Variants in HAUS3 observed in about 807,000 individuals in gnomAD.
HAUS3 encodes HAUS augmin like complex subunit 3.
HAUS3 carries 36 observed loss-of-function variants against 55.2 expected under a neutral mutation model. The observed-to-expected ratio is 0.65, with a 90% CI of 0.50 to 0.86. The LOEUF (loss-of-function observed/expected upper bound fraction) is 0.86, where lower values mean the gene tolerates loss of function less well. Ranked by LOEUF, HAUS3 falls within the 40% of genes least tolerant of loss-of-function variation. The pLI is 0.00. For synonymous variants in HAUS3, 234 were observed against 238.6 expected (o/e 0.98, Z 0.18); for missense variants, 752 against 671.5 (o/e 1.12, Z -1.33).
At position 2,242,093 on chromosome 4, in the gene HAUS3, C is replaced by T. The variant is rs1735013666; in HGVS notation, c.-461G>A. On this transcript the variant is annotated 5_prime_UTR_variant, in exon 1 of 6. Coordinates refer to ENST00000443786, the MANE Select transcript of HAUS3 (RefSeq NM_001303143.2). ...GCTTCTCGCAGGAGCCCGCCGCCAC[C>T]GCCCTCCGTGCCCCGCGCGCCTCGC... 6 of 985,912 alleles carry T rather than the reference C, an allele frequency of 6.1e-6. No individual in the cohort carries two copies. Among genetic ancestry groups the T allele is most frequent in the Middle Eastern group, 5.2e-4 (1 of 1,918 alleles). 61.1% of individuals were successfully genotyped at this position (985,912 alleles called of 1,614,324 possible).
At position 2,236,404 on chromosome 4, in the gene HAUS3, G is replaced by C. The variant is rs771522885; in HGVS notation, c.1402C>G (p.His468Asp). The change falls in exon 5 of 6, where the codon CAT becomes GAT. Residue 468 changes from histidine to aspartate, a missense_variant. Transcript: ENST00000443786. ...TCAGCCACTTCCTCAAGGTTTCCATGAGTTAGAAACAATTCTTTTTTCTTA... is the reference window on the plus strand; with the variant it reads ...TCAGCCACTTCCTCAAGGTTTCCATCAGTTAGAAACAATTCTTTTTTCTTA... ...ENKKKELFLT[H>D]GNLEEVAEKL... 1 of 1,613,500 alleles carries C rather than the reference G, an allele frequency of 6.2e-7. No homozygotes were observed. Among genetic ancestry groups the C allele is most frequent in the African/African-American group, 1.3e-5 (1 of 74,896 alleles).
chr4:2,229,189 T>A lies in HAUS3; in HGVS notation c.*2738A>T. 2 of 1,610,564 alleles carry A rather than the reference T, an allele frequency of 1.2e-6. No homozygotes were observed. The highest frequency in any genetic ancestry group is 1.7e-6 in the Non-Finnish European group (2 of 1,177,434). Reference sequence around the variant, plus strand: ...TTCTGAGCAACACTGGAGAGCGGTGTATTACAGAGATCAAAGCCTACCAAT... The same window carrying A: ...TTCTGAGCAACACTGGAGAGCGGTGAATTACAGAGATCAAAGCCTACCAAT... On this transcript the variant is annotated 3_prime_UTR_variant, in exon 6 of 6. Coordinates refer to ENST00000443786, the MANE Select transcript of HAUS3 (RefSeq NM_001303143.2).
In HAUS3 at chr4:2,240,146, G is replaced by C. The variant is rs186447762; in HGVS notation, c.801C>G (p.Leu267=). 1.2e-5 allele frequency: 19 copies of C among 1,613,606 alleles called. No individual in the cohort carries two copies. In the Admixed American group the frequency reaches 3.0e-4, roughly 25 times the overall value. ...ACTGATGTTGAGCACAAATGTATGC[G>C]AGCTGCAGTCTAGCCATCTCTAGTC... ...ERRLEMARLQ[L]AYICAQHQLI... is the part of the protein sequence containing the mutation. The change falls in exon 3 of 6, where the codon CTC becomes CTG. Residue 267 remains leucine (L), a synonymous_variant. Transcript: ENST00000443786.
rs1288381271 is a variant in HAUS3 at position 2,240,726 on chromosome 4, C to A, written c.221G>T (p.Gly74Val). 1.2e-6 allele frequency: 2 copies of A among 1,613,988 alleles called. No homozygotes were observed. Among genetic ancestry groups the A allele is most frequent in the Non-Finnish European group, 1.7e-6 (2 of 1,179,980 alleles). ...LQKSGKPILE[G>V]AALDEALKTC... ...TTTAAGAGCTTCATCCAATGCCGCC[C>A]CTTCTAGAATAGGCTTGCCTGATTT... is the stretch of plus-strand genomic sequence containing the variant. The change falls in exon 3 of 6, where the codon GGG becomes GTG. Residue 74 changes from glycine to valine, a missense_variant. Physicochemically the swap from Gly to Val is moderately radical, Grantham distance 109. Transcript: ENST00000443786.
Position 2,241,008 on chromosome 4 carries a change from A to G in HAUS3, c.-62T>C. 6.2e-6 allele frequency: 8 copies of G among 1,290,662 alleles called. No individual in the cohort carries two copies. Among genetic ancestry groups the G allele is most frequent in the Non-Finnish European group, 8.6e-6 (8 of 931,200 alleles). 80.0% of individuals were successfully genotyped at this position (1,290,662 alleles called of 1,614,324 possible). A position where few individuals can be genotyped will look rare whatever the true frequency, so the allele number is the denominator to read the frequency against. On this transcript the variant is annotated 5_prime_UTR_variant, in exon 3 of 6. Coordinates refer to ENST00000443786, the MANE Select transcript of HAUS3 (RefSeq NM_001303143.2). ...GGTTTACGGTGTTGATTTTTAGAAAATAAATCCAAGCAGAAAAAAAGCTAC... is the reference window on the plus strand; with the variant it reads ...GGTTTACGGTGTTGATTTTTAGAAAGTAAATCCAAGCAGAAAAAAAGCTAC...
chr4:2,240,739 G>A lies in HAUS3; in HGVS notation c.208C>T (p.Pro70Ser). 1 of 1,613,846 alleles carries A rather than the reference G, an allele frequency of 6.2e-7. No individual in the cohort carries two copies. Among genetic ancestry groups the A allele is most frequent in the East Asian group, 2.2e-5 (1 of 44,866 alleles). ...TCCAATGCCGCCCCTTCTAGAATAG[G>A]CTTGCCTGATTTCTGAAGAATGCTA... is the stretch of plus-strand genomic sequence containing the variant. ...AFSILQKSGK[P>S]ILEGAALDEA... Residue 70 changes from proline (P) to serine (S), a missense_variant, in exon 3 of 6, where the codon CCT becomes TCT. By Grantham distance (74) the Pro-to-Ser change is moderately conservative (BLOSUM62 -1). Transcript: ENST00000443786.
At chr4:2,238,064 G>A (rs564301597) in intron 4 of HAUS3, among the ~76,000 whole-genome samples, 56 of 152,272 alleles carry the variant, frequency 3.7e-4, no homozygotes, top group African/African-American at 1.3e-3. Context: ...AAAATGAGGA[G>A]TAGGAGACAG....
rs977721327 is a variant in HAUS3, at chr4:2,240,999, T to C, written c.-53A>G. The C allele has an allele frequency of 7.5e-7, 1 of 1,336,644 alleles. No homozygotes were observed. The highest frequency in any genetic ancestry group is 2.3e-5 in the Admixed American group (1 of 43,630). 82.8% of individuals were successfully genotyped at this position (1,336,644 alleles called of 1,614,324 possible). A position where few individuals can be genotyped will look rare whatever the true frequency, so the allele number is the denominator to read the frequency against. ...TCTGATATGGGTTTACGGTGTTGAT[T>C]TTTAGAAAATAAATCCAAGCAGAAA... On this transcript the variant is annotated 5_prime_UTR_variant, in exon 3 of 6. Transcript: ENST00000443786.
At chr4:2,232,650 ATT>A (rs761675687) in intron 5 of HAUS3, among the ~76,000 whole-genome samples, 5 of 151,934 alleles carry the variant, frequency 3.3e-5, no homozygotes, top group Admixed American at 6.5e-5. Context: ...ATTTTTTCAT[ATT>A]GTCTTACCAA....
intron 4 of HAUS3, 111 bp from the exon 5 acceptor site, chr4:2,236,567 TA>T: frequency 1.4e-6 from 1 of 737,806 alleles, no homozygotes. Context: ...TAACAACTTA[TA>T]AAAATATTGG....
intron 4 of HAUS3, among the ~76,000 whole-genome samples, chr4:2,237,797 A>C (rs1428196510): frequency 6.6e-6 from 1 of 152,218 alleles, no homozygotes; most frequent in Non-Finnish European, 1.5e-5. Context: ...ATAAATAGCT[A>C]TAATAGTAAA....
rs552268935 is a variant in HAUS3 at position 2,237,128 on chromosome 4, CAT to C, written c.1350-674_1350-673del. Among the ~76,000 whole-genome samples, 333 of 152,124 alleles carry C rather than the reference CAT, an allele frequency of 2.2e-3. 1 individual carries two copies. The highest frequency in any genetic ancestry group is 7.4e-3 in the African/African-American group (308 of 41,494). ...TCAGAGATAACCTCCAAAGAAAACA[CAT>C]GTCTCATAGAATATAACTATGATGT... On this transcript the variant is annotated intron_variant, in intron 4 of 5. Transcript: ENST00000443786.
rs1734495996 is a variant in HAUS3 at position 2,229,377 on chromosome 4, G to A, written c.*2550C>T. The A allele has an allele frequency of 8.6e-6, 6 of 696,468 alleles. No individual in the cohort carries two copies. The East Asian group carries it at 9.6e-5, about 11-fold the overall frequency. The allele number at this position is 696,468 out of a possible 1,614,324, so 43.1% of individuals were successfully genotyped here. On this transcript the variant is annotated 3_prime_UTR_variant, in exon 6 of 6. Transcript: ENST00000443786. Reference sequence around the variant, plus strand: ...TCTATATTCATAACCACAGAAAATAGGCATCAATCATCCAATAATATAGAT... The same window carrying A: ...TCTATATTCATAACCACAGAAAATAAGCATCAATCATCCAATAATATAGAT...
chr4:2,231,255 A>T lies in HAUS3; in HGVS notation c.*672T>A, dbSNP rs1255233555. Reference sequence around the variant, plus strand: ...ATGAGGGGACTTGGCTATTTCACATATTAAGGTCTACAGATTTAAAAATGC... The same window carrying T: ...ATGAGGGGACTTGGCTATTTCACATTTTAAGGTCTACAGATTTAAAAATGC... On this transcript the variant is annotated 3_prime_UTR_variant, in exon 6 of 6. Coordinates refer to ENST00000443786, the MANE Select transcript of HAUS3 (RefSeq NM_001303143.2). 6.6e-6 allele frequency: 1 copy of T among 152,246 alleles called. No homozygotes were observed. Among genetic ancestry groups the T allele is most frequent in the Non-Finnish European group, 1.5e-5 (1 of 68,054 alleles). 9.4% of individuals were successfully genotyped at this position (152,246 alleles called of 1,614,324 possible).
chr4:2,239,016 T>C lies in HAUS3; in HGVS notation c.937A>G (p.Lys313Glu), dbSNP rs1007225705. The change falls in exon 4 of 6, where the codon AAA (lysine) becomes GAA (glutamate). Residue 313 changes from lysine to glutamate, a missense_variant. By Grantham distance (56) the Lys-to-Glu change is moderately conservative. Coordinates refer to ENST00000443786, the MANE Select transcript of HAUS3 (RefSeq NM_001303143.2). The part of the protein sequence containing the change: ...KAVDKENLDA[K>E]ISSLTSEIMK... ...ATCTCACTGGTCAAGCTAGAAATTT[T>C]AGCATCCAAATTTTCTTTGTCCACA... 3 of 1,539,014 alleles carry C rather than the reference T, an allele frequency of 1.9e-6. No individual in the cohort carries two copies. The highest frequency in any genetic ancestry group is 8.7e-7 in the Non-Finnish European group (1 of 1,149,104).
At chr4:2,238,382 A>G (rs1197921305) in intron 4 of HAUS3, among the ~76,000 whole-genome samples, 1 of 152,106 alleles carries the variant, frequency 6.6e-6, no homozygotes, top group Admixed American at 6.6e-5. Flanking sequence ...CATCCACTTA[A>G]GCTATAAAGT....
chr4:2,238,302 C>G (rs1272607355), intron 4 of HAUS3, among the ~76,000 whole-genome samples: 5 of 152,174 alleles, frequency 3.3e-5, no homozygotes, highest in African/African-American at 1.2e-4. Context: ...AAACTTCCTG[C>G]CCCAAATCTA....
At chr4:2,233,402 A>C (rs1486665462) in intron 5 of HAUS3, among the ~76,000 whole-genome samples, 4 of 151,986 alleles carry the variant, frequency 2.6e-5, no homozygotes, top group Admixed American at 6.5e-5. Context: ...ATAAGATTAG[A>C]GTGAGATTAC....
rs1213679341 is a variant in HAUS3, at chr4:2,240,804, T to C, written c.143A>G (p.Asn48Ser). 6.2e-7 allele frequency: 1 copy of C among 1,613,864 alleles called. No homozygotes were observed. The highest frequency in any genetic ancestry group is 1.3e-5 in the African/African-American group (1 of 74,934). The change falls in exon 3 of 6, where the codon AAT (asparagine) becomes AGT (serine). Residue 48 changes from asparagine (N) to serine (S), a missense_variant. Transcript: ENST00000443786. ...SFLKWFCGNV[N>S]EQNVLSEREL... Reference sequence around the variant, plus strand: ...TCTTTCAGACAACACGTTCTGTTCATTCACATTCCCACAAAACCACTTCAG... The same window carrying C: ...TCTTTCAGACAACACGTTCTGTTCACTCACATTCCCACAAAACCACTTCAG...
Sources: allele counts gnomAD v4.1 joint callset (sites outside exome capture counted in the v4.1 genomes callset), GRCh38; gene constraint gnomAD v4.1.1; transcripts MANE v1.5; gene names NCBI Gene and HGNC (gene_info 2026-07-23, HGNC 2026-07-21).